KIF5C: variants seen among roughly 807,000 people sequenced by gnomAD.
The protein encoded by KIF5C is kinesin family member 5C, also known as kinesin heavy chain isoform 5C.
Under a neutral mutation model 125.2 loss-of-function variants are expected in KIF5C, and 18 were observed. That is an observed-to-expected ratio of 0.14 (90% confidence interval 0.10 to 0.21). The LOEUF is 0.21. KIF5C is among the 10% of genes least tolerant of loss of function. KIF5C has a pLI of 1.00. For missense variants in KIF5C, 780 were observed against 1,183.8 expected (o/e 0.66, Z 5.01); for synonymous variants, 405 against 434.0 (o/e 0.93, Z 0.83).
At chr2:148,939,045 A>G (rs1247489700) in intron 4 of KIF5C, among the ~76,000 whole-genome samples, 1 of 150,996 alleles carries the variant, frequency 6.6e-6, no homozygotes, top group East Asian at 2.0e-4. Flanking sequence ...CAGTGAGCTG[A>G]GATCACTCCA....
chr2:148,941,885 T>C (rs749658964), intron 5 of KIF5C, 50 bp from the exon 6 acceptor site: 3 of 1,593,666 alleles, frequency 1.9e-6, no homozygotes, highest in Non-Finnish European at 2.6e-6. Context: ...CAATATAGAG[T>C]CTTTAACTTT....
chr2:148,881,069 G>A (rs539839373), intron 1 of KIF5C, among the ~76,000 whole-genome samples: 1 of 151,344 alleles, frequency 6.6e-6, no homozygotes, highest in Admixed American at 6.6e-5. Flanking sequence ...ATGAAATGAA[G>A]TGGTGAGAGA....
intron 1 of KIF5C, among the ~76,000 whole-genome samples, chr2:148,896,552 T>A (rs1558876626): frequency 6.6e-6 from 1 of 152,148 alleles, no homozygotes; most frequent in Non-Finnish European, 1.5e-5. Flanking sequence ...GAAAAGAGAA[T>A]CCCAGGCGAA....
In KIF5C at chr2:148,942,766, C is replaced by T; in HGVS notation, c.589+6C>T. On this transcript the variant is annotated splice_donor_region_variant and intron_variant, in intron 7 of 25. Coordinates refer to ENST00000435030, the MANE Select transcript of KIF5C (RefSeq NM_004522.3). ...CCGACACGTGGCTGTGACAAGTAAG[C>T]ATGGTGGGGGTGTTTCCTCCCCTGC... 2 of 1,606,356 alleles carry T rather than the reference C, an allele frequency of 1.2e-6. No individual in the cohort carries two copies. Among genetic ancestry groups the T allele is most frequent in the South Asian group, 1.1e-5 (1 of 88,958 alleles).
chr2:148,983,784 T>G lies in KIF5C; in HGVS notation c.1716+18T>G. The G allele has an allele frequency of 6.3e-7, 1 of 1,585,190 alleles. No homozygotes were observed. Among genetic ancestry groups the G allele is most frequent in the Non-Finnish European group, 8.6e-7 (1 of 1,163,762 alleles). On this transcript the variant is annotated intron_variant, in intron 15 of 25. Transcript: ENST00000435030. ...TGAAAACTGTAAGCCAGCCCTTCTT[T>G]TATCCTCTCTACCTGCTCCTGTCAA...
chr2:148,965,767 C>A (rs1030473452), intron 11 of KIF5C, among the ~76,000 whole-genome samples: 2 of 152,116 alleles, frequency 1.3e-5, no homozygotes, highest in East Asian at 1.9e-4. Context: ...GGTAAAGCTG[C>A]GATCTGAACT....
At chr2:149,016,614 A>C (rs968230215) in intron 25 of KIF5C, among the ~76,000 whole-genome samples, 9 of 152,160 alleles carry the variant, frequency 5.9e-5, no homozygotes, top group Non-Finnish European at 1.3e-4. Context: ...GGGGATGAGC[A>C]GGTTTTGTGG....
At chr2:148,929,962 A>G (rs1003613185) in intron 3 of KIF5C, among the ~76,000 whole-genome samples, 4 of 152,166 alleles carry the variant, frequency 2.6e-5, no homozygotes, top group African/African-American at 9.7e-5. Context: ...TGTTCACTTC[A>G]TTGTCCTGTT....
intron 2 of KIF5C, among the ~76,000 whole-genome samples, chr2:148,928,457 A>T (rs1394920085): frequency 6.6e-6 from 1 of 152,194 alleles, no homozygotes; most frequent in Non-Finnish European, 1.5e-5. Flanking sequence ...TGAGTGCTAA[A>T]TATATTTTAA....
chr2:148,918,453 A>G (rs1681648768), intron 1 of KIF5C, among the ~76,000 whole-genome samples: 1 of 152,224 alleles, frequency 6.6e-6, no homozygotes, highest in Admixed American at 6.5e-5. Context: ...CTATGGAGCA[A>G]ACTAATTCAG....
chr2:148,920,390 A>G (rs1681734948), intron 1 of KIF5C, among the ~76,000 whole-genome samples: 1 of 152,242 alleles, frequency 6.6e-6, no homozygotes, highest in African/African-American at 2.4e-5. Context: ...CTTAATAAGC[A>G]TGTAGTAGGC....
intron 1 of KIF5C, among the ~76,000 whole-genome samples, chr2:148,907,004 G>T (rs915660546): frequency 6.6e-6 from 1 of 152,150 alleles, no homozygotes; most frequent in Admixed American, 6.5e-5. Flanking sequence ...AGACTACAGT[G>T]AACTATGATC....
intron 15 of KIF5C, among the ~76,000 whole-genome samples, chr2:148,987,990 A>G (rs1324503398): frequency 2.0e-5 from 3 of 152,108 alleles, no homozygotes; most frequent in Non-Finnish European, 4.4e-5. Flanking sequence ...GACTCCCTGT[A>G]TAGGCAGGTA....
chr2:148,929,373 C>T lies in KIF5C; in HGVS notation c.291+19C>T. 1 of 1,475,276 alleles carries T rather than the reference C, an allele frequency of 6.8e-7. No individual in the cohort carries two copies. Among genetic ancestry groups the T allele is most frequent in the Non-Finnish European group, 9.2e-7 (1 of 1,090,812 alleles). 91.4% of individuals were successfully genotyped at this position (1,475,276 alleles called of 1,614,324 possible). ...CATGGAGGTAAGATTACAATGTGCT[C>T]TAATGCGAATCTCTGAGATGACTGA... is the stretch of plus-strand genomic sequence containing the variant. On this transcript the variant is annotated intron_variant, in intron 3 of 25. Coordinates refer to ENST00000435030, the MANE Select transcript of KIF5C (RefSeq NM_004522.3).
chr2:148,998,536 G>A (rs1426611430), intron 19 of KIF5C, 27 bp downstream of exon 19: 7 of 1,551,322 alleles, frequency 4.5e-6, no homozygotes, highest in African/African-American at 1.4e-5. Flanking sequence ...CACCAGGGGT[G>A]TGGGGGTGGT....
chr2:148,946,142 G>T (rs1682516151), intron 7 of KIF5C, among the ~76,000 whole-genome samples: 1 of 152,146 alleles, frequency 6.6e-6, no homozygotes, highest in Non-Finnish European at 1.5e-5. Flanking sequence ...TTTTTTACAT[G>T]TTGATTTTGT....
intron 25 of KIF5C, among the ~76,000 whole-genome samples, chr2:149,022,583 C>T (rs1682564199): frequency 6.6e-6 from 1 of 151,894 alleles, no homozygotes; most frequent in African/African-American, 2.4e-5. Context: ...TTAATCTTAC[C>T]TATTTCTTTT....
At chr2:148,893,975 G>C (rs1200464176) in intron 1 of KIF5C, among the ~76,000 whole-genome samples, 2 of 152,122 alleles carry the variant, frequency 1.3e-5, no homozygotes, top group Non-Finnish European at 2.9e-5. Context: ...TCACTGTTTA[G>C]TAGAGGAGAC....
chr2:148,999,506 C>T (rs1681785867), intron 19 of KIF5C, among the ~76,000 whole-genome samples: 1 of 152,200 alleles, frequency 6.6e-6, no homozygotes, highest in Admixed American at 6.5e-5. Flanking sequence ...ATGGTGTGAC[C>T]CAGGCTCGGT....
Sources: allele counts gnomAD v4.1 joint callset (sites outside exome capture counted in the v4.1 genomes callset), GRCh38; gene constraint gnomAD v4.1.1; transcripts MANE v1.5; gene names NCBI Gene and HGNC (gene_info 2026-07-23, HGNC 2026-07-21).